The following SDK1 variants were observed in gnomAD, a reference collection of about 807,000 sequenced individuals.
SDK1 encodes protein sidekick-1.
In SDK1, 157 loss-of-function variants were observed where a neutral mutation model predicts 245.5. The observed-to-expected ratio is 0.64, with a 90% CI of 0.56 to 0.73. SDK1 has a LOEUF of 0.73. Among genes scored for constraint, SDK1 ranks in the 30% least tolerant of loss-of-function variants. SDK1 has a pLI of 0.00. For synonymous variants in SDK1, 1,647 were observed against 1,278.5 expected, an observed-to-expected ratio of 1.29 and a Z score of -6.15; for missense variants, 3,583 against 3,002.3, an observed-to-expected ratio of 1.19 and a Z score of -4.52.
intron 5 of SDK1, among the ~76,000 whole-genome samples, chr7:3,901,984 C>G (rs1057015824): frequency 6.6e-6 from 1 of 152,172 alleles, no homozygotes; most frequent in Admixed American, 6.5e-5. Context: ...TCTCCTCTGT[C>G]TTTGAGTGTG....
At chr7:3,446,094 T>C (rs1029645256) in intron 1 of SDK1, among the ~76,000 whole-genome samples, 5 of 152,152 alleles carry the variant, frequency 3.3e-5, no homozygotes, top group African/African-American at 1.2e-4. Context: ...TGGTCCTCTT[T>C]AGTTTCTAAT....
intron 5 of SDK1, among the ~76,000 whole-genome samples, chr7:3,824,639 C>G (rs1055267681): frequency 1.3e-4 from 20 of 152,170 alleles, no homozygotes; most frequent in Admixed American, 1.3e-3. Context: ...TGTCACCCAG[C>G]TAACAGGAGG....
chr7:3,823,557 G>A (rs745837187), intron 5 of SDK1, among the ~76,000 whole-genome samples: 4 of 152,166 alleles, frequency 2.6e-5, no homozygotes, highest in Non-Finnish European at 5.9e-5. Context: ...ATACCATGGT[G>A]TTAGATAATT....
intron 1 of SDK1, among the ~76,000 whole-genome samples, chr7:3,340,686 C>T (rs1189394312): frequency 6.6e-6 from 1 of 150,496 alleles, no homozygotes; most frequent in Non-Finnish European, 1.5e-5. Context: ...TGGCATGAAC[C>T]TGGGAGGTGG....
At chr7:3,314,370 G>C (rs1360232902) in intron 1 of SDK1, among the ~76,000 whole-genome samples, 2 of 152,172 alleles carry the variant, frequency 1.3e-5, no homozygotes, top group African/African-American at 2.4e-5. Context: ...TTCTGAATTA[G>C]GGTCTTATTG....
intron 1 of SDK1, among the ~76,000 whole-genome samples, chr7:3,326,919 G>A (rs748007469): frequency 5.9e-5 from 9 of 151,664 alleles, no homozygotes; most frequent in Non-Finnish European, 1.2e-4. Flanking sequence ...ATACTTACTG[G>A]GTACAAAGTG....
chr7:4,040,108 A>C (rs759248784), intron 17 of SDK1, among the ~76,000 whole-genome samples: 1 of 152,102 alleles, frequency 6.6e-6, no homozygotes, highest in Non-Finnish European at 1.5e-5. Context: ...AGGAGGAAAG[A>C]CTCAAATCTG....
At chr7:3,841,305 C>A (rs759262206) in intron 5 of SDK1, among the ~76,000 whole-genome samples, 154 of 152,266 alleles carry the variant, frequency 1.0e-3, no homozygotes, top group Non-Finnish European at 1.9e-3. Flanking sequence ...ATTGTTTGAT[C>A]CAGCAGAACG....
At chr7:4,240,740 G>A (rs1583156590) in intron 42 of SDK1, among the ~76,000 whole-genome samples, 3 of 152,280 alleles carry the variant, frequency 2.0e-5, no homozygotes, top group Admixed American at 2.0e-4. Context: ...ATGTACATGG[G>A]CCTGAGAAAC....
chr7:4,077,557 G>A (rs992286756), intron 21 of SDK1, among the ~76,000 whole-genome samples: 16 of 152,154 alleles, frequency 1.1e-4, no homozygotes, highest in African/African-American at 2.9e-4. Context: ...AGACATACCC[G>A]AGACTGGGCC....
intron 4 of SDK1, among the ~76,000 whole-genome samples, chr7:3,698,043 A>G (rs1251724510): frequency 6.6e-6 from 1 of 152,166 alleles, no homozygotes; most frequent in Non-Finnish European, 1.5e-5. Context: ...TTTAGCTTGC[A>G]CTGGGTGTTG....
chr7:3,817,065 A>G (rs1317013186), intron 4 of SDK1, among the ~76,000 whole-genome samples: 3 of 152,240 alleles, frequency 2.0e-5, no homozygotes, highest in Non-Finnish European at 4.4e-5. Context: ...ATCATAATGT[A>G]TAAATTGATG....
intron 5 of SDK1, among the ~76,000 whole-genome samples, chr7:3,866,939 C>T (rs1328606377): frequency 1.3e-5 from 2 of 152,162 alleles, no homozygotes; most frequent in African/African-American, 4.8e-5. Flanking sequence ...AGCTCAGTCT[C>T]CTTGGTAGGC....
intron 5 of SDK1, among the ~76,000 whole-genome samples, chr7:3,825,272 C>G (rs1779741728): frequency 7.9e-6 from 1 of 127,264 alleles, no homozygotes; most frequent in African/African-American, 3.0e-5. Flanking sequence ...CTTTGTGGAA[C>G]AGAACTTCTG....
At chr7:3,417,201 C>T (rs556013698) in intron 1 of SDK1, among the ~76,000 whole-genome samples, 9 of 152,096 alleles carry the variant, frequency 5.9e-5, no homozygotes, top group South Asian at 2.1e-4. Flanking sequence ...AAAAAACTAG[C>T]GAGCCCTACA....
At position 4,266,838 on chromosome 7, in the gene SDK1, A is replaced by G. The variant is rs1583211420; in HGVS notation, c.*1454A>G. The G allele has an allele frequency of 2.0e-6, 2 of 985,386 alleles. No homozygotes were observed. The highest frequency in any genetic ancestry group is 2.3e-4 in the East Asian group (2 of 8,802). The allele number at this position is 985,386 out of a possible 1,614,324, so 61.0% of individuals were successfully genotyped here. A position where few individuals can be genotyped will look rare whatever the true frequency, so the allele number is the denominator to read the frequency against. On this transcript the variant is annotated 3_prime_UTR_variant, in exon 45 of 45. Transcript: ENST00000404826. ...CCCCTCACCAGCAGCAGCGTGACAC[A>G]CACAAGACTCAAGACCACCCTGTCA...
At chr7:3,941,273 C>T (rs980221311) in intron 5 of SDK1, among the ~76,000 whole-genome samples, 31 of 152,236 alleles carry the variant, frequency 2.0e-4, no homozygotes, top group African/African-American at 6.5e-4. Context: ...TTTCCCAAAC[C>T]GTGTGGTAGG....
intron 4 of SDK1, among the ~76,000 whole-genome samples, chr7:3,684,762 G>A (rs1430526594): frequency 6.7e-5 from 10 of 149,736 alleles, no homozygotes; most frequent in African/African-American, 4.9e-5. Context: ...TGAAATAAAT[G>A]AAAAAAAAAA....
At chr7:3,466,975 T>C (rs1562503433) in intron 1 of SDK1, among the ~76,000 whole-genome samples, 1 of 115,514 alleles carries the variant, frequency 8.7e-6, no homozygotes, top group Admixed American at 8.8e-5. Flanking sequence ...CTCCTCTCTC[T>C]CTCTACACAC....
Sources: gnomAD v4.1 joint callset for allele counts (sites outside exome capture counted in the v4.1 genomes callset) on GRCh38, gnomAD v4.1.1 for gene constraint, MANE v1.5 for transcripts, NCBI Gene and HGNC (gene_info 2026-07-23, HGNC 2026-07-21) for gene names.